Variants in HOOK1 observed in about 807,000 individuals in gnomAD.
HOOK1 encodes hook microtubule tethering protein 1, also known as protein Hook homolog 1.
A neutral mutation model predicts 112.8 loss-of-function variants in HOOK1; 60 were observed. The ratio of observed to expected loss-of-function variants is 0.53; its 90% confidence interval spans 0.43 to 0.66. The LOEUF is 0.66. Among genes scored for constraint, HOOK1 ranks in the 30% least tolerant of loss-of-function variants. The probability of loss-of-function intolerance (pLI) is 0.00; values close to 1 mark genes in which losing one functional copy is unlikely to be tolerated. For synonymous variants in HOOK1, 294 were observed against 283.8 expected (o/e 1.04, Z -0.36); for missense variants, 770 against 856.0 (o/e 0.90, Z 1.25).
At chr1:59,860,090 G>A in intron 14 of HOOK1, 98 bp from the exon 15 acceptor site, 1 of 785,040 alleles carries the variant, frequency 1.3e-6, no homozygotes, top group Non-Finnish European at 1.9e-6. Context: ...ATCTTAAAAT[G>A]GTAGCTATTG....
intron 6 of HOOK1, 48 bp from the exon 7 acceptor site, chr1:59,836,825 C>A: frequency 3.8e-6 from 4 of 1,044,962 alleles, no homozygotes; most frequent in South Asian, 1.5e-5. Flanking sequence ...TATTTTACTT[C>A]ATAAACATCA....
intron 20 of HOOK1, among the ~76,000 whole-genome samples, chr1:59,870,715 C>T (rs923428456): frequency 6.6e-6 from 1 of 152,142 alleles, no homozygotes; most frequent in Non-Finnish European, 1.5e-5. Flanking sequence ...AGCTCTGTTT[C>T]GTTTACCTAA....
Position 59,872,874 on chromosome 1 carries a change from C to A in HOOK1, c.2096C>A (p.Thr699Asn). ...GGACSDTGAC[T>N]PARSFLAQQR... is the part of the protein sequence containing the mutation. ...GCCTGCAGTGACACTGGTGCGTGCACTCCTGCGCGGTCTTTCTTAGCGCAG... is the reference window on the plus strand; with the variant it reads ...GCCTGCAGTGACACTGGTGCGTGCAATCCTGCGCGGTCTTTCTTAGCGCAG... The change falls in exon 22 of 22, where the codon ACT becomes AAT. Residue 699 changes from threonine (T) to asparagine (N), a missense_variant. Thr to Asn is a moderately conservative substitution (Grantham distance 65). Transcript: ENST00000371208. The A allele has an allele frequency of 6.5e-7, 1 of 1,528,616 alleles. No homozygotes were observed. The highest frequency in any genetic ancestry group is 8.8e-7 in the Non-Finnish European group (1 of 1,131,252). 94.7% of individuals were successfully genotyped at this position (1,528,616 alleles called of 1,614,324 possible).
chr1:59,865,064 A>G (rs1643937255), intron 17 of HOOK1, 99 bp from the exon 18 acceptor site: 1 of 741,188 alleles, frequency 1.3e-6, no homozygotes, highest in Non-Finnish European at 2.4e-6. Context: ...TAGTATTCCC[A>G]TTTCACAGAT....
intron 7 of HOOK1, among the ~76,000 whole-genome samples, chr1:59,837,329 CT>C (rs1191342365): frequency 6.6e-6 from 1 of 152,048 alleles, no homozygotes; most frequent in Non-Finnish European, 1.5e-5. Context: ...GGCTCCTTTC[CT>C]TCAGGACTGT....
chr1:59,870,983 A>G (rs1270803119), intron 20 of HOOK1, 59 bp from the exon 21 acceptor site: 4 of 1,087,020 alleles, frequency 3.7e-6, no homozygotes, highest in Non-Finnish European at 1.4e-6. Context: ...AAATTATTCT[A>G]TCTTTAGTAA....
intron 1 of HOOK1, among the ~76,000 whole-genome samples, chr1:59,821,123 T>C (rs2098385267): frequency 6.6e-6 from 1 of 152,210 alleles, no homozygotes; most frequent in Admixed American, 6.5e-5. Context: ...TTAAGGTGTT[T>C]ATAGGTTGAG....
intron 14 of HOOK1, among the ~76,000 whole-genome samples, chr1:59,859,373 A>G (rs898081389): frequency 6.6e-6 from 1 of 152,144 alleles, no homozygotes; most frequent in African/African-American, 2.4e-5. Context: ...ACAAAAATCA[A>G]TATGATTTCA....
intron 12 of HOOK1, among the ~76,000 whole-genome samples, chr1:59,854,197 G>T (rs558321292): frequency 1.3e-5 from 2 of 150,236 alleles, no homozygotes; most frequent in African/African-American, 2.4e-5. Context: ...GATTACAGGC[G>T]CATGCCACCA....
intron 9 of HOOK1, 141 bp downstream of exon 9, chr1:59,843,739 A>ACCC: frequency 1.6e-6 from 1 of 636,692 alleles, no homozygotes; most frequent in South Asian, 2.4e-5. Flanking sequence ...ACCAGATGGT[A>ACCC]TAAGTGGTTC....
At chr1:59,848,624 A>G in intron 11 of HOOK1, 108 bp downstream of exon 11, 1 of 729,652 alleles carries the variant, frequency 1.4e-6, no homozygotes. Flanking sequence ...TGCATGTAAT[A>G]AGCTATGAAC....
intron 12 of HOOK1, among the ~76,000 whole-genome samples, chr1:59,854,363 T>C (rs1454966834): frequency 6.6e-6 from 1 of 151,982 alleles, no homozygotes; most frequent in Non-Finnish European, 1.5e-5. Flanking sequence ...AAAATATATT[T>C]GTGTATATAG....
At chr1:59,846,530 C>T (rs2098403899) in intron 9 of HOOK1, among the ~76,000 whole-genome samples, 1 of 8,900 alleles carries the variant, frequency 1.1e-4, no homozygotes, top group African/African-American at 6.9e-4. Context: ...CCTTCCTTTT[C>T]CTTCCTTCCT....
At chr1:59,827,420 G>A (rs961719399) in intron 2 of HOOK1, among the ~76,000 whole-genome samples, 9 of 152,164 alleles carry the variant, frequency 5.9e-5, no homozygotes, top group Admixed American at 1.3e-4. Context: ...CACAACTGGC[G>A]TGACTCCTCT....
In HOOK1 at chr1:59,860,229, G is replaced by C; in HGVS notation, c.1433G>C (p.Arg478Pro). Residue 478 changes from arginine to proline, a missense_variant, in exon 15 of 22, where the codon CGC becomes CCC. Arg to Pro is a moderately radical substitution (Grantham distance 103). Coordinates refer to ENST00000371208, the MANE Select transcript of HOOK1 (RefSeq NM_015888.6). ...IRLQHENKML[R>P]LQQEGSENER... The stretch of plus-strand genomic sequence containing the variant: ...CTGCAACATGAAAATAAGATGCTTC[G>C]CTTACAGCAAGAAGGCTCTGAGAAT... The C allele has an allele frequency of 6.2e-7, 1 of 1,608,422 alleles. No individual in the cohort carries two copies. Among genetic ancestry groups the C allele is most frequent in the Non-Finnish European group, 8.5e-7 (1 of 1,176,892 alleles).
At chr1:59,854,630 T>A (rs189481823) in intron 12 of HOOK1, among the ~76,000 whole-genome samples, 18 of 152,196 alleles carry the variant, frequency 1.2e-4, no homozygotes, top group African/African-American at 4.3e-4. Flanking sequence ...TGTTATGGCC[T>A]CCATTATTTG....
At chr1:59,862,929 T>C in intron 16 of HOOK1, 52 bp downstream of exon 16, 2 of 993,584 alleles carry the variant, frequency 2.0e-6, no homozygotes, top group Middle Eastern at 2.1e-4. Context: ...TTTTCTTTAA[T>C]AGATCATGAT....
At chr1:59,821,118 G>T (rs377397374) in intron 1 of HOOK1, among the ~76,000 whole-genome samples, 3 of 152,170 alleles carry the variant, frequency 2.0e-5, no homozygotes, top group Middle Eastern at 3.4e-3. Flanking sequence ...TTAACTTAAG[G>T]TGTTTATAGG....
At chr1:59,854,039 T>TATATA (rs1491471675) in intron 12 of HOOK1, among the ~76,000 whole-genome samples, 1 of 14,106 alleles carries the variant, frequency 7.1e-5, no homozygotes, top group African/African-American at 3.8e-4. Flanking sequence ...TATATATATA[T>TATATA]TTTTTTTTTT....
Sources: gnomAD v4.1 joint callset for allele counts (sites outside exome capture counted in the v4.1 genomes callset) on GRCh38, gnomAD v4.1.1 for gene constraint, MANE v1.5 for transcripts, NCBI Gene and HGNC (gene_info 2026-07-23, HGNC 2026-07-21) for gene names.